The following CPA6 variants were observed in gnomAD, a reference collection of about 807,000 sequenced individuals.
CPA6 encodes carboxypeptidase A6, also known as carboxypeptidase B.
CPA6 carries 58 observed loss-of-function variants against 63.3 expected under a neutral mutation model. That is an observed-to-expected ratio of 0.92 (90% CI 0.74 to 1.14). The LOEUF (loss-of-function observed/expected upper bound fraction) is 1.14, where lower values mean the gene tolerates loss of function less well. Ranked by LOEUF, CPA6 falls within the 50% of genes most tolerant of loss-of-function variation. The pLI is 0.00. For synonymous variants in CPA6, 185 were observed against 179.0 expected, an observed-to-expected ratio of 1.03 and a Z score of -0.27; for missense variants, 565 against 526.6, an observed-to-expected ratio of 1.07 and a Z score of -0.71.
At chr8:67,433,198 G>A (rs1487249493) in intron 9 of CPA6, among the ~76,000 whole-genome samples, 1 of 152,174 alleles carries the variant, frequency 6.6e-6, no homozygotes, top group Non-Finnish European at 1.5e-5. Flanking sequence ...CACCATCCAG[G>A]TCAAGGAATA....
intron 1 of CPA6, among the ~76,000 whole-genome samples, chr8:67,727,613 A>G (rs1341238804): frequency 1.3e-5 from 2 of 152,210 alleles, no homozygotes. Context: ...CTTTCTCATC[A>G]TGCCCAGACA....
intron 2 of CPA6, among the ~76,000 whole-genome samples, chr8:67,560,161 A>T (rs1323278140): frequency 3.8e-5 from 1 of 26,646 alleles, no homozygotes; most frequent in African/African-American, 9.4e-5. Context: ...GTATTTCCGG[A>T]TATATATATA....
intron 1 of CPA6, among the ~76,000 whole-genome samples, chr8:67,632,711 T>TA (rs1160629118): frequency 6.6e-6 from 1 of 152,306 alleles, no homozygotes; most frequent in South Asian, 2.1e-4. Context: ...TGAAGAATGT[T>TA]AAAAAATATA....
intron 2 of CPA6, among the ~76,000 whole-genome samples, chr8:67,543,426 G>C (rs1441731063): frequency 6.6e-6 from 1 of 152,146 alleles, no homozygotes; most frequent in African/African-American, 2.4e-5. Flanking sequence ...TTTTAATATA[G>C]CTTCAGATTA....
intron 1 of CPA6, among the ~76,000 whole-genome samples, chr8:67,688,508 C>A (rs557871458): frequency 3.3e-5 from 5 of 152,276 alleles, no homozygotes; most frequent in African/African-American, 4.8e-5. Flanking sequence ...AACAACCTCA[C>A]AAAATCCTAG....
At chr8:67,720,670 AAAAGT>A (rs1377747832) in intron 1 of CPA6, among the ~76,000 whole-genome samples, 2 of 152,226 alleles carry the variant, frequency 1.3e-5, no homozygotes, top group African/African-American at 4.8e-5. Flanking sequence ...AGAATTTAAC[AAAAGT>A]AAAGAGCTGT....
intron 8 of CPA6, among the ~76,000 whole-genome samples, chr8:67,446,395 G>T (rs1453452655): frequency 6.6e-6 from 1 of 151,618 alleles, no homozygotes; most frequent in Non-Finnish European, 1.5e-5. Flanking sequence ...AAAGAACTGG[G>T]GTTACAGGTA....
At chr8:67,428,689 T>C (rs1809951242) in intron 9 of CPA6, among the ~76,000 whole-genome samples, 1 of 152,160 alleles carries the variant, frequency 6.6e-6, no homozygotes, top group Non-Finnish European at 1.5e-5. Flanking sequence ...TTCACCGTGT[T>C]AGCCAGGATG....
chr8:67,700,519 G>GT (rs56020641), intron 1 of CPA6, among the ~76,000 whole-genome samples: 1 of 151,838 alleles, frequency 6.6e-6, no homozygotes, highest in African/African-American at 2.4e-5. Context: ...GTATTTTGGG[G>GT]AGACAAGTCA....
At chr8:67,575,112 G>T (rs1053333633) in intron 2 of CPA6, among the ~76,000 whole-genome samples, 2 of 152,086 alleles carry the variant, frequency 1.3e-5, no homozygotes, top group Admixed American at 1.3e-4. Context: ...ACATATGAAT[G>T]GCTAACAAAT....
intron 2 of CPA6, among the ~76,000 whole-genome samples, chr8:67,596,350 A>G (rs1471079343): frequency 6.6e-6 from 1 of 152,172 alleles, no homozygotes; most frequent in Non-Finnish European, 1.5e-5. Flanking sequence ...AATTAAAACT[A>G]CCATTCCACA....
At chr8:67,468,996 C>G (rs558551225) in intron 8 of CPA6, among the ~76,000 whole-genome samples, 1 of 152,144 alleles carries the variant, frequency 6.6e-6, no homozygotes, top group Non-Finnish European at 1.5e-5. Context: ...TTTAGTCTAC[C>G]CTGGTGTCAA....
intron 2 of CPA6, among the ~76,000 whole-genome samples, chr8:67,598,516 A>G (rs1177687686): frequency 6.6e-6 from 1 of 152,160 alleles, no homozygotes; most frequent in Admixed American, 6.5e-5. Flanking sequence ...CACTTTTCCT[A>G]TTTAGCAAGT....
intron 8 of CPA6, 159 bp downstream of exon 8, chr8:67,483,609 G>A (rs764728887): frequency 1.6e-6 from 1 of 610,992 alleles, no homozygotes; most frequent in Non-Finnish European, 3.0e-6. Flanking sequence ...ATTTTCTTTT[G>A]CCAATTACAG....
intron 4 of CPA6, among the ~76,000 whole-genome samples, chr8:67,510,159 G>A (rs971779235): frequency 1.3e-5 from 2 of 152,136 alleles, no homozygotes; most frequent in African/African-American, 4.8e-5. Context: ...TTTCTCCAGT[G>A]ATAGTGATAC....
At chr8:67,624,325 TA>T in intron 1 of CPA6, 74 bp from the exon 2 acceptor site, 1 of 749,162 alleles carries the variant, frequency 1.3e-6, no homozygotes, top group Non-Finnish European at 2.2e-6. Flanking sequence ...TCTTACCTCT[TA>T]AAAAACTGCC....
chr8:67,567,118 G>A (rs934066069), intron 2 of CPA6, among the ~76,000 whole-genome samples: 4 of 152,162 alleles, frequency 2.6e-5, no homozygotes, highest in African/African-American at 9.7e-5. Context: ...TGGTAGAGGA[G>A]AGCCTCTACC....
chr8:67,703,932 T>G (rs145047853), intron 1 of CPA6, among the ~76,000 whole-genome samples: 90 of 150,118 alleles, frequency 6.0e-4, no homozygotes, highest in South Asian at 1.3e-3. Context: ...CTGCTTTTTT[T>G]TTGTTGTTGT....
At chr8:67,567,961 C>T (rs545301278) in intron 2 of CPA6, among the ~76,000 whole-genome samples, 1 of 152,140 alleles carries the variant, frequency 6.6e-6, no homozygotes, top group Non-Finnish European at 1.5e-5. Flanking sequence ...GTGAGGCCCA[C>T]AGAGATCAGC....
Sources: allele counts gnomAD v4.1 joint callset (sites outside exome capture counted in the v4.1 genomes callset), GRCh38; gene constraint gnomAD v4.1.1; transcripts MANE v1.5; gene names NCBI Gene and HGNC (gene_info 2026-07-23, HGNC 2026-07-21).